Variants in RAD51B observed in about 807,000 individuals in gnomAD.
The protein encoded by RAD51B is RAD51 paralog B, also known as DNA repair protein RAD51 homolog 2.
A neutral mutation model predicts 42.2 loss-of-function variants in RAD51B; 38 were observed. The ratio of observed to expected loss-of-function variants is 0.90; its 90% confidence interval spans 0.70 to 1.18. The LOEUF (loss-of-function observed/expected upper bound fraction) is 1.18, where lower values mean the gene tolerates loss of function less well. Ranked by LOEUF, RAD51B falls within the 50% of genes most tolerant of loss-of-function variation. The pLI is 0.00. For synonymous variants in RAD51B, 154 were observed against 145.2 expected (o/e 1.06, Z -0.43); for missense variants, 373 against 400.7 (o/e 0.93, Z 0.59).
At chr14:68,078,611 G>GAAGGA (rs2076868709) in intron 7 of RAD51B, among the ~76,000 whole-genome samples, 1 of 151,980 alleles carries the variant, frequency 6.6e-6, no homozygotes, top group Non-Finnish European at 1.5e-5. Flanking sequence ...TTTCCTGAGA[G>GAAGGA]ACCAACTTTA....
intron 8 of RAD51B, among the ~76,000 whole-genome samples, chr14:68,321,326 C>T (rs1044761995): frequency 3.9e-5 from 6 of 152,182 alleles, no homozygotes; most frequent in African/African-American, 1.2e-4. Context: ...CTCACATTCC[C>T]CTGTCCTTTT....
chr14:68,580,526 C>T (rs1396714421), intron 10 of RAD51B, among the ~76,000 whole-genome samples: 6 of 152,154 alleles, frequency 3.9e-5, no homozygotes, highest in South Asian at 2.1e-4. Flanking sequence ...GACAGTGACC[C>T]GCGTGGAAGA....
At chr14:68,488,391 T>A (rs1883806550) in intron 10 of RAD51B, among the ~76,000 whole-genome samples, 1 of 152,102 alleles carries the variant, frequency 6.6e-6, no homozygotes, top group African/African-American at 2.4e-5. Context: ...CTGACCAAAC[T>A]TGAGTCAGGC....
Position 68,174,095 on chromosome 14 carries a change from T to A in RAD51B, c.757-117789T>A, listed in dbSNP as rs567446165. On this transcript the variant is annotated intron_variant, in intron 7 of 10. Transcript: ENST00000471583. The stretch of plus-strand genomic sequence containing the variant: ...TCCTCTCTTATCTTCTTAATGACTC[T>A]TATACATTTTGTTATCTTTTCTTAC... Among the ~76,000 whole-genome samples, 3 of 152,314 alleles carry A rather than the reference T, an allele frequency of 2.0e-5. No individual in the cohort carries two copies. The South Asian group carries it at 6.2e-4, about 32-fold the overall frequency.
chr14:67,899,932 A>G (rs1029505104), intron 7 of RAD51B, among the ~76,000 whole-genome samples: 20 of 152,216 alleles, frequency 1.3e-4, no homozygotes, highest in African/African-American at 3.6e-4. Context: ...ATTACAATGC[A>G]TGTGTTCTTA....
At chr14:68,584,518 A>G (rs1890363336) in intron 10 of RAD51B, among the ~76,000 whole-genome samples, 2 of 152,152 alleles carry the variant, frequency 1.3e-5, no homozygotes, top group South Asian at 4.1e-4. Flanking sequence ...CCTTCCCTAT[A>G]GAACCTTACC....
chr14:68,554,565 A>G (rs886085882), intron 10 of RAD51B, among the ~76,000 whole-genome samples: 2 of 151,998 alleles, frequency 1.3e-5, no homozygotes, highest in Admixed American at 1.3e-4. Flanking sequence ...CTCTACCTTA[A>G]TGGCAACCCC....
intron 8 of RAD51B, among the ~76,000 whole-genome samples, chr14:68,396,119 T>A (rs141098587): frequency 3.9e-5 from 6 of 152,326 alleles, no homozygotes; most frequent in African/African-American, 1.4e-4. Flanking sequence ...GCTGACAGAT[T>A]GAATCCTGTC....
chr14:67,978,071 G>A (rs1001735364), intron 7 of RAD51B, among the ~76,000 whole-genome samples: 19 of 152,032 alleles, frequency 1.2e-4, no homozygotes, highest in Non-Finnish European at 2.9e-5. Flanking sequence ...TTTCCTTATA[G>A]CGATCTCAGA....
At chr14:67,861,600 T>C (rs961738107) in intron 4 of RAD51B, among the ~76,000 whole-genome samples, 1 of 142,224 alleles carries the variant, frequency 7.0e-6, no homozygotes, top group Non-Finnish European at 1.5e-5. Flanking sequence ...AAAAGATGGG[T>C]GAAGCATGTT....
chr14:67,894,317 T>C (rs2043333554), intron 7 of RAD51B, among the ~76,000 whole-genome samples: 1 of 152,220 alleles, frequency 6.6e-6, no homozygotes, highest in African/African-American at 2.4e-5. Context: ...TCATGTCTTA[T>C]TCACTATTGT....
chr14:67,966,123 G>A (rs1451756130), intron 7 of RAD51B, among the ~76,000 whole-genome samples: 1 of 152,144 alleles, frequency 6.6e-6, no homozygotes, highest in Non-Finnish European at 1.5e-5. Flanking sequence ...TTAATTTCAA[G>A]AATTAAAAGA....
At chr14:67,981,969 C>T (rs1159545238) in intron 7 of RAD51B, among the ~76,000 whole-genome samples, 2 of 152,190 alleles carry the variant, frequency 1.3e-5, no homozygotes, top group African/African-American at 2.4e-5. Context: ...CAGAGTCTCG[C>T]ATTGTCACTC....
chr14:68,039,891 G>A (rs759980291), intron 7 of RAD51B, among the ~76,000 whole-genome samples: 5 of 152,136 alleles, frequency 3.3e-5, no homozygotes, highest in Non-Finnish European at 5.9e-5. Context: ...ACCTAAGAAT[G>A]GTGTTACACT....
At chr14:68,441,689 G>T (rs1248013803) in intron 9 of RAD51B, among the ~76,000 whole-genome samples, 1 of 151,722 alleles carries the variant, frequency 6.6e-6, no homozygotes, top group South Asian at 2.1e-4. Context: ...TTCTAGCTCT[G>T]TTTCTAATTA....
At chr14:68,576,928 GA>G (rs1487366881) in intron 10 of RAD51B, among the ~76,000 whole-genome samples, 1 of 152,082 alleles carries the variant, frequency 6.6e-6, no homozygotes, top group Middle Eastern at 3.2e-3. Flanking sequence ...TTTTATTTAG[GA>G]AAAAAATGGT....
At chr14:68,324,230 A>G (rs1280933015) in intron 8 of RAD51B, among the ~76,000 whole-genome samples, 1 of 152,210 alleles carries the variant, frequency 6.6e-6, no homozygotes, top group African/African-American at 2.4e-5. Flanking sequence ...CAGTGTTAGA[A>G]TGGACCATTT....
At chr14:67,893,185 A>G (rs1194324903) in intron 7 of RAD51B, among the ~76,000 whole-genome samples, 4 of 152,244 alleles carry the variant, frequency 2.6e-5, no homozygotes, top group African/African-American at 9.6e-5. Flanking sequence ...TATTGGCATC[A>G]GTCTTAATAC....
At chr14:68,447,281 G>C (rs1338622257) in intron 9 of RAD51B, among the ~76,000 whole-genome samples, 20 of 152,156 alleles carry the variant, frequency 1.3e-4, no homozygotes, top group Non-Finnish European at 1.3e-4. Flanking sequence ...ATGTGGGCCA[G>C]AAAATTCTAA....
Sources: allele counts gnomAD v4.1 joint callset (sites outside exome capture counted in the v4.1 genomes callset), GRCh38; gene constraint gnomAD v4.1.1; transcripts MANE v1.5; gene names NCBI Gene and HGNC (gene_info 2026-07-23, HGNC 2026-07-21).